Variants in RNF13 observed in about 807,000 individuals in gnomAD.
The protein encoded by RNF13 is E3 ubiquitin-protein ligase RNF13.
RNF13 carries 19 observed loss-of-function variants against 37.7 expected under a neutral mutation model. That is an observed-to-expected ratio of 0.50 (90% CI 0.35 to 0.74). The LOEUF (loss-of-function observed/expected upper bound fraction) is 0.74. Ranked by LOEUF, RNF13 falls within the 30% of genes least tolerant of loss-of-function variation. The probability of loss-of-function intolerance (pLI) is 0.01; values close to 1 mark genes in which losing one functional copy is unlikely to be tolerated. For missense variants in RNF13, 375 were observed against 453.0 expected (o/e 0.83, Z 1.56); for synonymous variants, 144 against 157.8 (o/e 0.91, Z 0.65).
At chr3:149,907,168 T>G (rs966375748) in intron 6 of RNF13, among the ~76,000 whole-genome samples, 2 of 152,200 alleles carry the variant, frequency 1.3e-5, no homozygotes, top group African/African-American at 4.8e-5. Context: ...ATTCTCTTAC[T>G]GTTGATGGCA....
At chr3:149,920,155 T>G (rs1426644700) in intron 7 of RNF13, among the ~76,000 whole-genome samples, 1 of 152,208 alleles carries the variant, frequency 6.6e-6, no homozygotes, top group African/African-American at 2.4e-5. Flanking sequence ...ATCCCTTATC[T>G]TGTATACAAT....
intron 1 of RNF13, among the ~76,000 whole-genome samples, chr3:149,830,186 AG>A: frequency 1.4e-5 from 1 of 71,474 alleles, no homozygotes; most frequent in African/African-American, 5.7e-5. Context: ...CAGAAAACTT[AG>A]TTTAAAAGGG....
At chr3:149,892,707 C>G (rs113580330) in intron 4 of RNF13, among the ~76,000 whole-genome samples, 1 of 152,052 alleles carries the variant, frequency 6.6e-6, no homozygotes. Flanking sequence ...ACACTTCTTA[C>G]GAGAATCTAA....
rs774129363 is a variant in RNF13, at chr3:149,902,100, A to G, written c.438A>G (p.Pro146=). 7 of 1,505,246 alleles carry G rather than the reference A, an allele frequency of 4.7e-6. No homozygotes were observed. The highest frequency in any genetic ancestry group is 5.4e-6 in the Non-Finnish European group (6 of 1,119,706). 93.2% of individuals were successfully genotyped at this position (1,505,246 alleles called of 1,614,324 possible). ...DIEVLKKIDI[P]SVFIGESSAN... is the part of the protein sequence containing the mutation. ...AGGTACTAAAGAAAATTGACATTCC[A>G]TCTGTCTTTATTGGTGAATCATCAG... Residue 146 remains proline, a synonymous_variant, in exon 6 of 10, where the codon CCA becomes CCG. Transcript: ENST00000392894.
At chr3:149,853,271 C>A (rs1723278041) in intron 3 of RNF13, among the ~76,000 whole-genome samples, 1 of 151,942 alleles carries the variant, frequency 6.6e-6, no homozygotes, top group Admixed American at 6.6e-5. Flanking sequence ...AAGTTTTGTT[C>A]TGTATTTTCA....
At chr3:149,913,848 G>A (rs1475440910) in intron 7 of RNF13, among the ~76,000 whole-genome samples, 1 of 152,148 alleles carries the variant, frequency 6.6e-6, no homozygotes, top group Non-Finnish European at 1.5e-5. Context: ...TTAAGGTAGT[G>A]TTTGCTGAAT....
intron 3 of RNF13, among the ~76,000 whole-genome samples, chr3:149,864,838 A>G (rs537683711): frequency 8.1e-4 from 123 of 152,314 alleles, no homozygotes; most frequent in African/African-American, 1.7e-3. Context: ...CAGCTCAAAT[A>G]AAAAAGAAAT....
intron 6 of RNF13, among the ~76,000 whole-genome samples, chr3:149,903,995 C>A (rs529217247): frequency 1.2e-4 from 19 of 152,100 alleles, no homozygotes; most frequent in African/African-American, 4.6e-4. Context: ...ACCTACCTAC[C>A]TATACCTATC....
At chr3:149,813,746 A>G (rs1175094030) in intron 1 of RNF13, 4 of 152,330 alleles carry the variant, frequency 2.6e-5, no homozygotes, top group African/African-American at 7.2e-5. Flanking sequence ...TTGTCTCTGA[A>G]TAGAAGGAGG....
intron 4 of RNF13, among the ~76,000 whole-genome samples, chr3:149,894,940 A>G (rs1715083904): frequency 6.6e-6 from 1 of 152,140 alleles, no homozygotes; most frequent in Non-Finnish European, 1.5e-5. Context: ...TACAAAGGTT[A>G]CTATTTTGGA....
chr3:149,949,472 A>C (rs1386835855), intron 8 of RNF13, among the ~76,000 whole-genome samples: 40 of 150,864 alleles, frequency 2.7e-4, no homozygotes, highest in Non-Finnish European at 4.4e-4. Flanking sequence ...GTCACTAGAC[A>C]GTTTAATTAT....
At chr3:149,868,955 C>T (rs1711665988) in intron 3 of RNF13, among the ~76,000 whole-genome samples, 1 of 151,676 alleles carries the variant, frequency 6.6e-6, no homozygotes, top group South Asian at 2.1e-4. Flanking sequence ...TTGCTCAGCT[C>T]CCTCTTGAAC....
intron 3 of RNF13, among the ~76,000 whole-genome samples, chr3:149,856,878 G>T (rs970963920): frequency 6.6e-6 from 1 of 152,096 alleles, no homozygotes; most frequent in Non-Finnish European, 1.5e-5. Context: ...CTCCTGAGTA[G>T]CTGGGACTAC....
chr3:149,895,964 C>T (rs35312156), intron 5 of RNF13, among the ~76,000 whole-genome samples: 2 of 152,144 alleles, frequency 1.3e-5, no homozygotes, highest in African/African-American at 4.8e-5. Context: ...ACTTGTGCTT[C>T]CTTATACCAG....
chr3:149,937,373 G>T (rs112568537), intron 8 of RNF13, among the ~76,000 whole-genome samples: 3 of 152,188 alleles, frequency 2.0e-5, no homozygotes, highest in African/African-American at 7.2e-5. Flanking sequence ...CTTAAGGGAG[G>T]GGCATCATGG....
At chr3:149,943,066 C>G (rs1234077989) in intron 8 of RNF13, among the ~76,000 whole-genome samples, 1 of 152,034 alleles carries the variant, frequency 6.6e-6, no homozygotes, top group Non-Finnish European at 1.5e-5. Flanking sequence ...TTTTAATGTA[C>G]TGTTGAATTC....
chr3:149,827,148 AG>A (rs1720586268), intron 1 of RNF13, among the ~76,000 whole-genome samples: 2 of 152,216 alleles, frequency 1.3e-5, no homozygotes, highest in African/African-American at 2.4e-5. Context: ...CAAAATATTC[AG>A]GAAAAAAAAT....
At chr3:149,837,634 T>G (rs1721757161) in intron 1 of RNF13, among the ~76,000 whole-genome samples, 1 of 152,150 alleles carries the variant, frequency 6.6e-6, no homozygotes, top group South Asian at 2.1e-4. Context: ...CTCATGAGAC[T>G]TATTCATTAT....
intron 1 of RNF13, among the ~76,000 whole-genome samples, chr3:149,818,409 G>A (rs766517994): frequency 8.5e-5 from 13 of 152,228 alleles, no homozygotes; most frequent in Non-Finnish European, 1.6e-4. Flanking sequence ...AAGGGACCAT[G>A]TCTTTCTTAT....
Sources: gnomAD v4.1 joint callset for allele counts (sites outside exome capture counted in the v4.1 genomes callset) on GRCh38, gnomAD v4.1.1 for gene constraint, MANE v1.5 for transcripts, NCBI Gene and HGNC (gene_info 2026-07-23, HGNC 2026-07-21) for gene names.